NPSR1: variants seen among roughly 807,000 people sequenced by gnomAD.
The protein encoded by NPSR1 is neuropeptide S receptor.
In NPSR1, 48 loss-of-function variants were observed where a neutral mutation model predicts 46.9. That is an observed-to-expected ratio of 1.02 (90% CI 0.81 to 1.30). The LOEUF is 1.30. Ranked by LOEUF, NPSR1 falls within the 50% of genes most tolerant of loss-of-function variation. The pLI is 0.00. For synonymous variants in NPSR1, 176 were observed against 168.1 expected, an observed-to-expected ratio of 1.05 and a Z score of -0.36; for missense variants, 450 against 449.5, an observed-to-expected ratio of 1.00 and a Z score of -0.01.
chr7:34,787,765 T>C (rs1274206104), intron 3 of NPSR1, among the ~76,000 whole-genome samples: 1 of 152,156 alleles, frequency 6.6e-6, no homozygotes, highest in Non-Finnish European at 1.5e-5. Flanking sequence ...TTGGTGGAGC[T>C]GTCAGTATGC....
chr7:34,762,026 T>G (rs1428686592), intron 2 of NPSR1, among the ~76,000 whole-genome samples: 1 of 152,178 alleles, frequency 6.6e-6, no homozygotes, highest in Non-Finnish European at 1.5e-5. Flanking sequence ...TTTAATGAGC[T>G]TCTTGGTTTC....
intron 2 of NPSR1, among the ~76,000 whole-genome samples, chr7:34,774,702 T>C (rs991499096): frequency 6.6e-6 from 1 of 152,154 alleles, no homozygotes; most frequent in Non-Finnish European, 1.5e-5. Context: ...CACTAACACA[T>C]TCAGCACCAT....
rs539898228 is a variant in NPSR1 at position 34,671,096 on chromosome 7, T to C, written c.147+12537T>C. Among the ~76,000 whole-genome samples the C allele has an allele frequency of 2.4e-4, 37 of 152,280 alleles. No individual in the cohort carries two copies. In the South Asian group the frequency reaches 7.3e-3, roughly 30 times the overall value. ...AGTTTCTAGCAATGGAATAATAAAA[T>C]TGTGATATAACCATAGAATGGAATA... On this transcript the variant is annotated intron_variant, in intron 1 of 8. Transcript: ENST00000360581.
intron 2 of NPSR1, among the ~76,000 whole-genome samples, chr7:34,763,281 A>T (rs535749712): frequency 6.6e-6 from 1 of 152,302 alleles, no homozygotes; most frequent in South Asian, 2.1e-4. Flanking sequence ...TTCTGTAATC[A>T]TTATTTTAAT....
At chr7:34,792,592 C>T (rs557707373) in intron 3 of NPSR1, among the ~76,000 whole-genome samples, 19 of 120,066 alleles carry the variant, frequency 1.6e-4, no homozygotes, top group South Asian at 2.5e-4. Flanking sequence ...TATATATATA[C>T]GTATATATGT....
chr7:34,714,782 C>T (rs1368979927), intron 2 of NPSR1, among the ~76,000 whole-genome samples: 1 of 152,174 alleles, frequency 6.6e-6, no homozygotes, highest in South Asian at 2.1e-4. Context: ...GGTGGGCTGC[C>T]CCAGACTTAA....
chr7:34,852,303 G>A (rs1450424491), downstream of NPSR1, among the ~76,000 whole-genome samples: 1 of 150,252 alleles, frequency 6.7e-6, no homozygotes, highest in Non-Finnish European at 1.5e-5. Flanking sequence ...CCGTCTCAAG[G>A]AAAGAGAGAA....
chr7:34,852,602 G>T (rs1790962802), downstream of NPSR1, among the ~76,000 whole-genome samples: 1 of 152,096 alleles, frequency 6.6e-6, no homozygotes, highest in Non-Finnish European at 1.5e-5. Context: ...GCCCTTTAGA[G>T]GTGTGACTTC....
chr7:34,741,583 G>A (rs1260112274), intron 2 of NPSR1, among the ~76,000 whole-genome samples: 2 of 152,090 alleles, frequency 1.3e-5, no homozygotes, highest in African/African-American at 2.4e-5. Context: ...AATATTCTAA[G>A]TTAGGTAAAA....
Position 34,766,869 on chromosome 7 carries a change from G to A in NPSR1, c.281-11593G>A, listed in dbSNP as rs1425412324. Among the ~76,000 whole-genome samples, 3 of 152,172 alleles carry A rather than the reference G, an allele frequency of 2.0e-5. No individual in the cohort carries two copies. The East Asian group carries it at 5.8e-4, about 29-fold the overall frequency. ...ATTACAGGTGTGAGCCACCGTGCCC[G>A]GCCTATGATGAATTTTTTAAAGCTA... is the stretch of plus-strand genomic sequence containing the variant. On this transcript the variant is annotated intron_variant, in intron 2 of 8. Coordinates refer to ENST00000360581, the MANE Select transcript of NPSR1 (RefSeq NM_207172.2).
intron 2 of NPSR1, among the ~76,000 whole-genome samples, chr7:34,695,839 T>G (rs1793491889): frequency 6.6e-6 from 1 of 152,146 alleles, no homozygotes; most frequent in African/African-American, 2.4e-5. Flanking sequence ...AAGGGTAGAC[T>G]TACACACTTT....
chr7:34,855,938 T>TA (rs1424465074), intron 8 of NPSR1, among the ~76,000 whole-genome samples: 1 of 152,012 alleles, frequency 6.6e-6, no homozygotes, highest in African/African-American at 2.4e-5. Context: ...CAGAAAAAAA[T>TA]GTTTGATAAA....
At chr7:34,862,981 A>G (rs562655383) in intron 8 of NPSR1, among the ~76,000 whole-genome samples, 1 of 151,876 alleles carries the variant, frequency 6.6e-6, no homozygotes, top group African/African-American at 2.4e-5. Context: ...ACTTCAAACT[A>G]TACTACAAGG....
intron 2 of NPSR1, chr7:34,718,874 A>G (rs1471667206): frequency 6.6e-6 from 1 of 152,234 alleles, no homozygotes; most frequent in Non-Finnish European, 1.5e-5. Flanking sequence ...CATGGAGAGT[A>G]CCTTATTTAA....
intron 8 of NPSR1, among the ~76,000 whole-genome samples, chr7:34,863,247 C>G (rs918804361): frequency 6.6e-6 from 1 of 151,838 alleles, no homozygotes; most frequent in Admixed American, 6.5e-5. Context: ...CGATTAAAGC[C>G]TTAAATGTAA....
At chr7:34,858,297 G>A (rs1263877027) in intron 8 of NPSR1, among the ~76,000 whole-genome samples, 1 of 151,694 alleles carries the variant, frequency 6.6e-6, no homozygotes, top group Non-Finnish European at 1.5e-5. Flanking sequence ...ATGCTTATTA[G>A]CAGTAGAATA....
At position 34,835,606 on chromosome 7, in the gene NPSR1, G is replaced by A. The variant is rs533402081; in HGVS notation, c.757+1146G>A. On this transcript the variant is annotated intron_variant, in intron 6 of 8. Coordinates refer to ENST00000360581, the MANE Select transcript of NPSR1 (RefSeq NM_207172.2). Reference sequence around the variant, plus strand: ...AATAAGACTGTGAGGCCACCAAGAGGATGCACAAGTATTATCGGGCACTGA... The same window carrying A: ...AATAAGACTGTGAGGCCACCAAGAGAATGCACAAGTATTATCGGGCACTGA... 2.0e-5 allele frequency among the ~76,000 whole-genome samples: 3 copies of A among 152,232 alleles called. No individual in the cohort carries two copies. In the South Asian group the frequency reaches 6.2e-4, roughly 32 times the overall value.
At chr7:34,659,157 A>G (rs1791332658) in intron 1 of NPSR1, among the ~76,000 whole-genome samples, 1 of 152,222 alleles carries the variant, frequency 6.6e-6, no homozygotes, top group African/African-American at 2.4e-5. Flanking sequence ...TTTCACCTTC[A>G]AAGTATCCAA....
chr7:34,721,747 C>T (rs972878139), intron 2 of NPSR1, among the ~76,000 whole-genome samples: 21 of 151,980 alleles, frequency 1.4e-4, no homozygotes, highest in African/African-American at 5.1e-4. Flanking sequence ...CATATGCCGC[C>T]GAATTTATGT....
Sources: gnomAD v4.1 joint callset for allele counts (sites outside exome capture counted in the v4.1 genomes callset) on GRCh38, gnomAD v4.1.1 for gene constraint, MANE v1.5 for transcripts, NCBI Gene and HGNC (gene_info 2026-07-23, HGNC 2026-07-21) for gene names.